BCL11B: variants seen among roughly 807,000 people sequenced by gnomAD.
BCL11B encodes the protein B-cell lymphoma/leukemia 11B.
BCL11B carries 8 observed loss-of-function variants against 49.9 expected under a neutral mutation model. That is an observed-to-expected ratio of 0.16 (90% CI 0.09 to 0.29). The LOEUF is 0.29. BCL11B is among the 10% of genes least tolerant of loss of function. The pLI is 1.00. For synonymous variants in BCL11B, 739 were observed against 637.4 expected (o/e 1.16, Z -2.40); for missense variants, 1,006 against 1,351.0 (o/e 0.74, Z 4.00).
chr14:99,265,214 A>C (rs902612608), intron 1 of BCL11B, among the ~76,000 whole-genome samples: 1 of 152,236 alleles, frequency 6.6e-6, no homozygotes, highest in Non-Finnish European at 1.5e-5. Flanking sequence ...GTGTATCTAC[A>C]GCTAACACCG....
In BCL11B at chr14:99,173,887, C is replaced by A; in HGVS notation, c.*264G>T. On this transcript the variant is annotated 3_prime_UTR_variant, in exon 4 of 4. Transcript: ENST00000357195. ...CAGAAAAAATAATAATAAAAAGTACCTGCACATGCCAAAAAAATTACAAAA... is the reference window on the plus strand; with the variant it reads ...CAGAAAAAATAATAATAAAAAGTACATGCACATGCCAAAAAAATTACAAAA... The A allele has an allele frequency of 3.9e-6, 2 of 507,464 alleles. No homozygotes were observed. The highest frequency in any genetic ancestry group is 7.0e-6 in the Non-Finnish European group (2 of 286,854). The allele number at this position is 507,464 out of a possible 1,614,324, so 31.4% of individuals were successfully genotyped here. A position where few individuals can be genotyped will look rare whatever the true frequency, so the allele number is the denominator to read the frequency against.
At chr14:99,260,352 G>A (rs532544639) in intron 1 of BCL11B, among the ~76,000 whole-genome samples, 3 of 152,300 alleles carry the variant, frequency 2.0e-5, no homozygotes, top group Non-Finnish European at 2.9e-5. Context: ...TTCTGAGGGC[G>A]AAGAGGTCTT....
Position 99,205,066 on chromosome 14 carries a change from GATGCCCCTCC to G in BCL11B, c.640+26269_640+26278del, listed in dbSNP as rs1887494906. ...ATCACCTGTGGGCAGGTGTTCAGGG[GATGCCCCTCC>G]AGTTACATTACTTTGAAAGGGAGCA... On this transcript the variant is annotated intron_variant, in intron 3 of 3. Coordinates refer to ENST00000357195, the MANE Select transcript of BCL11B (RefSeq NM_138576.4). This position sits in a 1 kb window ranked among gnomAD's most constrained non-coding sequence, Gnocchi z 5.0. Among the ~76,000 whole-genome samples the G allele has an allele frequency of 6.6e-6, 1 of 152,118 alleles. No homozygotes were observed. Among genetic ancestry groups the G allele is most frequent in the Non-Finnish European group, 1.5e-5 (1 of 68,020 alleles).
rs977008421 is a variant in BCL11B at position 99,242,286 on chromosome 14, C to G, written c.428-10729G>C. Reference sequence around the variant, plus strand: ...TTACATGGGCGTTGCATGATCTTGTCCCCCTGCTTCCCTACCTTTTCTCGC... The same window carrying G: ...TTACATGGGCGTTGCATGATCTTGTGCCCCTGCTTCCCTACCTTTTCTCGC... On this transcript the variant is annotated intron_variant, in intron 2 of 3. Coordinates refer to ENST00000357195, the MANE Select transcript of BCL11B (RefSeq NM_138576.4). This position sits in a 1 kb window ranked among gnomAD's most constrained non-coding sequence, Gnocchi z 4.4. Among the ~76,000 whole-genome samples the G allele has an allele frequency of 1.3e-5, 2 of 152,206 alleles. No individual in the cohort carries two copies. Among genetic ancestry groups the G allele is most frequent in the African/African-American group, 4.8e-5 (2 of 41,442 alleles).
Position 99,175,421 on chromosome 14 carries a change from CGCTTGA to C in BCL11B, c.1409_1414del (p.Leu470_Lys471del). ...CTTGTGCATGTGCGTCTTCATGTGG[CGCTTGA>C]GCTTGCTGGCCTGCGAGCACGCGTG... On this transcript the variant is annotated inframe_deletion, in exon 4 of 4. Transcript: ENST00000357195. The C allele has an allele frequency of 6.2e-7, 1 of 1,609,756 alleles. No homozygotes were observed. Among genetic ancestry groups the C allele is most frequent in the Non-Finnish European group, 8.5e-7 (1 of 1,178,438 alleles).
chr14:99,175,095 C>T lies in BCL11B; in HGVS notation c.1741G>A (p.Gly581Ser), dbSNP rs1371186106. 1.9e-6 allele frequency: 3 copies of T among 1,599,446 alleles called. No homozygotes were observed. The highest frequency in any genetic ancestry group is 2.2e-5 in the East Asian group (1 of 44,554). The change falls in exon 4 of 4, where the codon GGC becomes AGC. Residue 581 changes from glycine to serine, a missense_variant. Gly to Ser is a moderately conservative substitution (Grantham distance 56). Transcript: ENST00000357195. Reference sequence around the variant, plus strand: ...TCAGCCAGCGCCTTGGCCGCGCCGCCCCCCGCGCCCGGGACCCCGGGCACC... The same window carrying T: ...TCAGCCAGCGCCTTGGCCGCGCCGCTCCCCGCGCCCGGGACCCCGGGCACC... ...GGVPGVPGAG[G>S]GAAKALADEK...
intron 3 of BCL11B, among the ~76,000 whole-genome samples, chr14:99,193,611 T>G (rs1240623488): frequency 6.6e-6 from 1 of 152,112 alleles, no homozygotes; most frequent in African/African-American, 2.4e-5. Context: ...GAAAAAAAAG[T>G]TTCCCTTCTA....
rs759599743 is a variant in BCL11B, at chr14:99,199,683, T to TGTGCGC, written c.641-23489_641-23488insGCGCAC. 8.3e-3 allele frequency among the ~76,000 whole-genome samples: 608 copies of TGTGCGC among 73,646 alleles called. 7 individuals are homozygous for TGTGCGC. Among genetic ancestry groups the TGTGCGC allele is most frequent in the African/African-American group, 0.015 (439 of 29,640 alleles). The allele number at this position is 73,646 out of a possible 152,430, so 48.3% of individuals were successfully genotyped here. ...GTGTGTGTGTGTGTGTGTGTGTGTG[T>TGTGCGC]GCGCGCGCGCGCGCACGTGCACGTG... On this transcript the variant is annotated intron_variant, in intron 3 of 3. Transcript: ENST00000357195.
At chr14:99,237,079 G>C (rs1888521915) in intron 2 of BCL11B, among the ~76,000 whole-genome samples, 1 of 151,752 alleles carries the variant, frequency 6.6e-6, no homozygotes, top group Non-Finnish European at 1.5e-5. Context: ...GGGGGGTGTA[G>C]AGGGGGAGTG....
rs1888653375 is a variant in BCL11B, at chr14:99,241,002, C to T, written c.428-9445G>A. Among the ~76,000 whole-genome samples the T allele has an allele frequency of 6.6e-6, 1 of 150,862 alleles. No individual in the cohort carries two copies. The highest frequency in any genetic ancestry group is 2.1e-4 in the South Asian group (1 of 4,718). On this transcript the variant is annotated intron_variant, in intron 2 of 3. Transcript: ENST00000357195. The surrounding 1 kb of genome is among the most constrained non-coding windows in gnomAD (Gnocchi z 4.4). ...ATTGGGGGAAATCATAGCACGCTGACTTTGATTTTGTTGTAATTTTTTTTT... is the reference window on the plus strand; with the variant it reads ...ATTGGGGGAAATCATAGCACGCTGATTTTGATTTTGTTGTAATTTTTTTTT...
chr14:99,195,370 G>C lies in BCL11B; in HGVS notation c.641-19175C>G, dbSNP rs1237378597. Among the ~76,000 whole-genome samples the C allele has an allele frequency of 6.6e-6, 1 of 152,030 alleles. No homozygotes were observed. The highest frequency in any genetic ancestry group is 1.5e-5 in the Non-Finnish European group (1 of 68,004). ...ACACCTCCTCTGTGGGGCTCCCCCA[G>C]CACCTCCATTTTGCAGATGAGACCA... On this transcript the variant is annotated intron_variant, in intron 3 of 3. Transcript: ENST00000357195. The surrounding 1 kb of genome is among the most constrained non-coding windows in gnomAD (Gnocchi z 4.7).
rs1889214254 is a variant in BCL11B at position 99,257,766 on chromosome 14, C to T, written c.132G>A (p.Leu44=). 2 of 1,602,374 alleles carry T rather than the reference C, an allele frequency of 1.2e-6. No individual in the cohort carries two copies. Among genetic ancestry groups the T allele is most frequent in the South Asian group, 1.1e-5 (1 of 89,806 alleles). Residue 44 remains leucine, a synonymous_variant, in exon 2 of 4, where the codon CTG becomes CTA. Transcript: ENST00000357195. The surrounding 1 kb of genome is among the most constrained non-coding windows in gnomAD (Gnocchi z 6.2). ...EGLEIEEPSG[L]GLMVGGPDPD... The stretch of plus-strand genomic sequence containing the variant: ...GGTCGGGGCCACCCACCATCAGCCC[C>T]AGGCCACTTGGCTCCTCTATCTCCA...
chr14:99,192,507 A>C lies in BCL11B; in HGVS notation c.641-16312T>G, dbSNP rs1887062596. On this transcript the variant is annotated intron_variant, in intron 3 of 3. Transcript: ENST00000357195. This position sits in a 1 kb window ranked among gnomAD's most constrained non-coding sequence, Gnocchi z 4.0. ...CACGTTCTGGAGACCACAGCGCGCT[A>C]CCTTTCACCTCGTCCTCGCCACACA... is the stretch of plus-strand genomic sequence containing the variant. Among the ~76,000 whole-genome samples the C allele has an allele frequency of 6.6e-6, 1 of 152,238 alleles. No homozygotes were observed. Among genetic ancestry groups the C allele is most frequent in the Admixed American group, 6.5e-5 (1 of 15,286 alleles).
intron 1 of BCL11B, among the ~76,000 whole-genome samples, chr14:99,259,395 T>C (rs1276585736): frequency 1.3e-5 from 2 of 152,204 alleles, no homozygotes; most frequent in African/African-American, 4.8e-5. Flanking sequence ...CACGAGCCTA[T>C]GCAGGGCCTA....
At chr14:99,226,490 A>G (rs1278319480) in intron 3 of BCL11B, among the ~76,000 whole-genome samples, 2 of 152,200 alleles carry the variant, frequency 1.3e-5, no homozygotes, top group Admixed American at 1.3e-4. Context: ...TGAGGCTACC[A>G]TCTCTGTCCG....
chr14:99,174,083 T>G lies in BCL11B; in HGVS notation c.*68A>C. On this transcript the variant is annotated 3_prime_UTR_variant, in exon 4 of 4. Coordinates refer to ENST00000357195, the MANE Select transcript of BCL11B (RefSeq NM_138576.4). ...GGGGTGGCGGTGACACGGAGGCAAG[T>G]CAGGTCAGCATTCTCTCGGTTGGCA... The G allele has an allele frequency of 6.6e-7, 1 of 1,515,488 alleles. No homozygotes were observed. Among genetic ancestry groups the G allele is most frequent in the Non-Finnish European group, 9.0e-7 (1 of 1,114,494 alleles). 93.9% of individuals were successfully genotyped at this position (1,515,488 alleles called of 1,614,324 possible).
intron 3 of BCL11B, among the ~76,000 whole-genome samples, chr14:99,216,987 C>T (rs553469530): frequency 2.2e-4 from 34 of 152,188 alleles, no homozygotes; most frequent in Admixed American, 3.3e-4. Context: ...CACAAATACG[C>T]GTGTATGTAC....
intron 3 of BCL11B, among the ~76,000 whole-genome samples, chr14:99,209,996 T>TG (rs1295852497): frequency 6.6e-6 from 1 of 151,264 alleles, no homozygotes; most frequent in East Asian, 2.0e-4. Context: ...GCTGAGGAAA[T>TG]GGTGTGAGGT....
intron 3 of BCL11B, among the ~76,000 whole-genome samples, chr14:99,204,349 A>C (rs1887472661): frequency 2.0e-5 from 3 of 152,130 alleles, no homozygotes. Flanking sequence ...GTAACAACCT[A>C]GCAACTGCCC....
Sources: allele counts gnomAD v4.1 joint callset (sites outside exome capture counted in the v4.1 genomes callset), GRCh38; gene constraint gnomAD v4.1.1; non-coding constraint Gnocchi (gnomAD v3.1); transcripts MANE v1.5; gene names NCBI Gene and HGNC (gene_info 2026-07-23, HGNC 2026-07-21).